Variants in B4GALNT3 observed in about 807,000 individuals in gnomAD.
B4GALNT3 encodes beta-1,4-N-acetyl-galactosaminyltransferase 3, also known as beta-1,4-N-acetylgalactosaminyltransferase 3.
Under a neutral mutation model 120.2 loss-of-function variants are expected in B4GALNT3, and 86 were observed. The observed-to-expected ratio is 0.72, with a 90% CI of 0.60 to 0.86. The LOEUF is 0.86. Ranked by LOEUF, B4GALNT3 falls within the 40% of genes least tolerant of loss-of-function variation. B4GALNT3 has a pLI of 0.00. For missense variants in B4GALNT3, 1,167 were observed against 1,298.9 expected (o/e 0.90, Z 1.56); for synonymous variants, 518 against 510.4 (o/e 1.01, Z -0.20).
intron 1 of B4GALNT3, among the ~76,000 whole-genome samples, chr12:507,564 G>A (rs1335416171): frequency 1.3e-5 from 2 of 152,176 alleles, no homozygotes; most frequent in South Asian, 2.1e-4. Flanking sequence ...CTGTTGTGGC[G>A]ACCCTTCACC....
chr12:498,985 G>A (rs1946415165), intron 1 of B4GALNT3, among the ~76,000 whole-genome samples: 1 of 152,186 alleles, frequency 6.6e-6, no homozygotes, highest in Admixed American at 6.5e-5. Flanking sequence ...GCAAGTTGGT[G>A]GATCTGGGGA....
At chr12:483,527 T>C (rs958499734) in intron 1 of B4GALNT3, among the ~76,000 whole-genome samples, 1 of 152,136 alleles carries the variant, frequency 6.6e-6, no homozygotes, top group Admixed American at 6.5e-5. Context: ...TGAAACCCCC[T>C]CTCTACCAAA....
At position 554,651 on chromosome 12, in the gene B4GALNT3, A is replaced by G. The variant is rs374004585; in HGVS notation, c.2060+668A>G. 2.2e-3 allele frequency among the ~76,000 whole-genome samples: 333 copies of G among 151,066 alleles called. 4 individuals carry two copies. Among genetic ancestry groups the G allele is most frequent in the East Asian group, 0.013 (65 of 5,104 alleles). On this transcript the variant is annotated intron_variant, in intron 14 of 19. Coordinates refer to ENST00000266383, the MANE Select transcript of B4GALNT3 (RefSeq NM_173593.4). ...TAAAAATACAAAAAATTAGCCAGGC[A>G]TAGTGGCGGGCGCCTGTAGTCCCAG...
At chr12:558,771 C>T in intron 18 of B4GALNT3, 110 bp downstream of exon 18, 2 of 1,190,416 alleles carry the variant, frequency 1.7e-6, no homozygotes, top group Non-Finnish European at 2.3e-6. Flanking sequence ...CCTCCCCTGC[C>T]CCACCCTGCC....
At chr12:532,312 T>C (rs1946816503) in intron 1 of B4GALNT3, among the ~76,000 whole-genome samples, 1 of 152,200 alleles carries the variant, frequency 6.6e-6, no homozygotes, top group African/African-American at 2.4e-5. Flanking sequence ...CTACCTGTAA[T>C]CCACTCACCT....
intron 1 of B4GALNT3, among the ~76,000 whole-genome samples, chr12:484,275 C>T (rs777517908): frequency 5.3e-5 from 8 of 152,194 alleles, no homozygotes; most frequent in Non-Finnish European, 1.0e-4. Context: ...CAGTGACGGT[C>T]ATTCTGAGGC....
In B4GALNT3 at chr12:557,745, A is replaced by G; in HGVS notation, c.2518A>G (p.Arg840Gly). The change falls in exon 16 of 20, where the codon AGG becomes GGG. Residue 840 changes from arginine to glycine, a missense_variant. This residue lies in a region of B4GALNT3 where 983 missense variants were observed against 1,102.5 expected (regional missense o/e 0.89). Coordinates refer to ENST00000266383, the MANE Select transcript of B4GALNT3 (RefSeq NM_173593.4). ...CATGGATGTTGAGATGGCACTGAAG[A>G]GGTCCAAGCTGCGGAGGTGAGGGGG... ...EDMDVEMALK[R>G]SKLRSYQYVK... 1 of 1,602,206 alleles carries G rather than the reference A, an allele frequency of 6.2e-7. No individual in the cohort carries two copies. The highest frequency in any genetic ancestry group is 8.5e-7 in the Non-Finnish European group (1 of 1,176,570).
At chr12:474,320 G>A (rs888781218) in intron 1 of B4GALNT3, among the ~76,000 whole-genome samples, 4 of 152,196 alleles carry the variant, frequency 2.6e-5, no homozygotes, top group Non-Finnish European at 4.4e-5. Context: ...TTGAAAGCCA[G>A]ACTGGAACTA....
chr12:543,287 C>T, intron 3 of B4GALNT3: 1 of 1,099,502 alleles, frequency 9.1e-7, no homozygotes, highest in Non-Finnish European at 1.2e-6. Flanking sequence ...GCACCGGCCC[C>T]TTTCTGCCCA....
intron 1 of B4GALNT3, among the ~76,000 whole-genome samples, chr12:512,172 GCCTTCCGCCTTCCACCTTCCGCCTTCCA>G (rs1233360994): frequency 2.6e-3 from 53 of 20,432 alleles, no homozygotes; most frequent in South Asian, 7.1e-3. Flanking sequence ...TCCACCTTCC[GCCTTCCGCCTTCCACCTTCCGCCTTCCA>G]CCTTCCACCT....
chr12:531,831 T>C (rs1946811219), intron 1 of B4GALNT3, among the ~76,000 whole-genome samples: 1 of 152,226 alleles, frequency 6.6e-6, no homozygotes, highest in Non-Finnish European at 1.5e-5. Context: ...TAATTTAATC[T>C]TCACAGCAGT....
rs568202492 is a variant in B4GALNT3, at chr12:523,788, C to T, written c.170-11378C>T. Reference sequence around the variant, plus strand: ...TAGAAAACATCAGATATAGGCCGGGCGCAGTGGCTCATGCCTGTAATCCCA... The same window carrying T: ...TAGAAAACATCAGATATAGGCCGGGTGCAGTGGCTCATGCCTGTAATCCCA... On this transcript the variant is annotated intron_variant, in intron 1 of 19. Coordinates refer to ENST00000266383, the MANE Select transcript of B4GALNT3 (RefSeq NM_173593.4). Among the ~76,000 whole-genome samples, 14 of 152,336 alleles carry T rather than the reference C, an allele frequency of 9.2e-5. No homozygotes were observed. In the South Asian group the frequency reaches 1.2e-3, roughly 14 times the overall value.
chr12:522,180 T>C (rs1014360919), intron 1 of B4GALNT3, among the ~76,000 whole-genome samples: 5 of 152,150 alleles, frequency 3.3e-5, no homozygotes, highest in East Asian at 3.8e-4. Context: ...TCCAAGAGCA[T>C]GGCAAGCAAG....
chr12:511,520 C>CCTT (rs1376510849), intron 1 of B4GALNT3, among the ~76,000 whole-genome samples: 24 of 100,558 alleles, frequency 2.4e-4, no homozygotes, highest in African/African-American at 8.8e-4. Context: ...CCTTCTTCCA[C>CCTT]CTTCCACCTT....
At chr12:482,953 G>A (rs1328771884) in intron 1 of B4GALNT3, among the ~76,000 whole-genome samples, 2 of 152,088 alleles carry the variant, frequency 1.3e-5, no homozygotes, top group African/African-American at 4.8e-5. Context: ...TGTCACCCAG[G>A]CTGGAGTGCA....
chr12:522,135 C>A (rs10744666), intron 1 of B4GALNT3, among the ~76,000 whole-genome samples: 81,642 of 151,928 alleles, frequency 0.54, 22,502 homozygotes, highest in East Asian at 0.73. Flanking sequence ...GCCTGCAGCA[C>A]CTGCTCCTTG....
At position 554,085 on chromosome 12, in the gene B4GALNT3, C is replaced by T. The variant is rs561342228; in HGVS notation, c.2060+102C>T. ...GGCTGGTAGTGGGTTCCCCCAGCCGCGGAAATAGCTGGAACTTTGCCCCCG... is the reference window on the plus strand; with the variant it reads ...GGCTGGTAGTGGGTTCCCCCAGCCGTGGAAATAGCTGGAACTTTGCCCCCG... On this transcript the variant is annotated intron_variant, in intron 14 of 19. Coordinates refer to ENST00000266383, the MANE Select transcript of B4GALNT3 (RefSeq NM_173593.4). 1.1e-4 allele frequency: 82 copies of T among 779,474 alleles called. No individual in the cohort carries two copies. The South Asian group carries it at 1.2e-3, about 11-fold the overall frequency. The allele number at this position is 779,474 out of a possible 1,614,324, so 48.3% of individuals were successfully genotyped here.
intron 1 of B4GALNT3, among the ~76,000 whole-genome samples, chr12:512,741 G>A (rs1417369423): frequency 2.4e-5 from 1 of 41,804 alleles, no homozygotes; most frequent in East Asian, 6.7e-4. Context: ...TTCCACCTTT[G>A]ACCTTCCACC....
At chr12:516,140 C>T (rs903504664) in intron 1 of B4GALNT3, among the ~76,000 whole-genome samples, 8 of 143,662 alleles carry the variant, frequency 5.6e-5, no homozygotes, top group African/African-American at 1.9e-4. Flanking sequence ...AGCGAGACTC[C>T]GTCTCAAAAA....
Sources: allele counts gnomAD v4.1 joint callset (sites outside exome capture counted in the v4.1 genomes callset), GRCh38; gene constraint gnomAD v4.1.1; regional missense constraint gnomAD v4.1.1; transcripts MANE v1.5; gene names NCBI Gene and HGNC (gene_info 2026-07-23, HGNC 2026-07-21).